Variants in MTCL2 observed in about 807,000 individuals in gnomAD.
The protein encoded by MTCL2 is microtubule cross-linking factor 2.
At chr20:36,794,615 G>T in the MTCL2 span, 1 of 1,614,008 alleles carries the variant, frequency 6.2e-7, no homozygotes, top group Admixed American at 1.7e-5. The surrounding 1 kb of genome is among the most constrained non-coding windows in gnomAD (Gnocchi z 5.4). Flanking sequence ...AAGGACAGAG[G>T]AGGAAACGTC....
the MTCL2 span, among the ~76,000 whole-genome samples, chr20:36,840,300 G>T: frequency 6.6e-6 from 1 of 151,050 alleles, no homozygotes; most frequent in African/African-American, 2.4e-5. Flanking sequence ...GAGTAGCTGG[G>T]ACTACAGGCA....
the MTCL2 span, chr20:36,815,749 G>A: frequency 1.1e-5 from 17 of 1,591,498 alleles, no homozygotes; most frequent in Admixed American, 1.8e-5. This position sits in a 1 kb window ranked among gnomAD's most constrained non-coding sequence, Gnocchi z 5.3. Flanking sequence ...GGTTCGCTGA[G>A]CACAGAACAA....
At chr20:36,803,956 CAAAAAAA>C in the MTCL2 span, among the ~76,000 whole-genome samples, 10 of 43,062 alleles carry the variant, frequency 2.3e-4, no homozygotes, top group African/African-American at 7.1e-4. Flanking sequence ...GATGCCGTCT[CAAAAAAA>C]AAAAAAAAAA....
chr20:36,862,962 G>A, the MTCL2 span: 6 of 1,402,300 alleles, frequency 4.3e-6, no homozygotes, highest in Non-Finnish European at 4.7e-6. Context: ...CGCCTCCTCC[G>A]ACGCGCAGTC....
the MTCL2 span, among the ~76,000 whole-genome samples, chr20:36,822,391 T>C: frequency 1.1e-4 from 17 of 152,374 alleles, no homozygotes; most frequent in African/African-American, 3.8e-4. Context: ...GGACAAACTC[T>C]GTGGCCTGGC....
At chr20:36,794,765 T>A in the MTCL2 span, 4 of 846,172 alleles carry the variant, frequency 4.7e-6, no homozygotes, top group South Asian at 6.5e-5. This position sits in a 1 kb window ranked among gnomAD's most constrained non-coding sequence, Gnocchi z 5.4. Flanking sequence ...TCTGTCTGCA[T>A]TTTCTTTTTT....
the MTCL2 span, chr20:36,804,861 C>T: frequency 8.7e-6 from 14 of 1,613,948 alleles, no homozygotes; most frequent in Non-Finnish European, 1.2e-5. Flanking sequence ...GCTCCTTCAG[C>T]GTCACCTTCA....
the MTCL2 span, among the ~76,000 whole-genome samples, chr20:36,805,246 G>A: frequency 4.8e-3 from 736 of 152,212 alleles, 4 homozygotes; most frequent in African/African-American, 0.017. Context: ...TCTCTGACCC[G>A]CTGCAGGCCA....
chr20:36,784,546 G>A, the MTCL2 span: 26 of 985,482 alleles, frequency 2.6e-5, no homozygotes, highest in East Asian at 3.4e-4. Context: ...ATCCATCCTG[G>A]TGTTTCCACT....
the MTCL2 span, chr20:36,863,094 G>A: frequency 4.1e-4 from 579 of 1,399,634 alleles, 1 homozygote; most frequent in Non-Finnish European, 2.5e-4. This position sits in a 1 kb window ranked among gnomAD's most constrained non-coding sequence, Gnocchi z 6.2. Flanking sequence ...CCGCACACCC[G>A]CACCGCGCGC....
At chr20:36,804,760 G>C in the MTCL2 span, 1 of 1,613,804 alleles carries the variant, frequency 6.2e-7, no homozygotes, top group East Asian at 2.2e-5. Context: ...CTTGAGCTCT[G>C]CCCGCTCTGT....
the MTCL2 span, chr20:36,803,105 C>T: frequency 3.1e-5 from 50 of 1,599,468 alleles, no homozygotes; most frequent in Non-Finnish European, 4.3e-5. Context: ...TCTTCAGCTC[C>T]ATCTGCGGAA....
At chr20:36,808,960 C>A in the MTCL2 span, among the ~76,000 whole-genome samples, 1 of 152,194 alleles carries the variant, frequency 6.6e-6, no homozygotes, top group African/African-American at 2.4e-5. Context: ...GGGATTTGAC[C>A]CTGGCTCTAA....
chr20:36,862,528 G>T, the MTCL2 span: 1 of 847,984 alleles, frequency 1.2e-6, no homozygotes, highest in Non-Finnish European at 1.6e-6. Flanking sequence ...CCTCAGAGTG[G>T]TCCCCAGAGG....
the MTCL2 span, among the ~76,000 whole-genome samples, chr20:36,822,109 A>G: frequency 2.6e-5 from 4 of 152,224 alleles, no homozygotes; most frequent in Admixed American, 2.6e-4. Flanking sequence ...CAGCCCTGCC[A>G]TTCTGGAGGG....
the MTCL2 span, chr20:36,839,239 C>T: frequency 1.7e-5 from 27 of 1,603,452 alleles, no homozygotes; most frequent in South Asian, 8.8e-5. The surrounding 1 kb of genome is among the most constrained non-coding windows in gnomAD (Gnocchi z 5.1). Flanking sequence ...CTCCAGACCA[C>T]GGATAAGCTC....
the MTCL2 span, among the ~76,000 whole-genome samples, chr20:36,845,537 G>T: frequency 6.6e-6 from 1 of 152,226 alleles, no homozygotes; most frequent in Non-Finnish European, 1.5e-5. Flanking sequence ...ACGGCCCCAC[G>T]TGAGAGGGTG....
chr20:36,835,926 T>C, the MTCL2 span, among the ~76,000 whole-genome samples: 1 of 152,086 alleles, frequency 6.6e-6, no homozygotes, highest in Non-Finnish European at 1.5e-5. Flanking sequence ...GGTCCCAGCC[T>C]CTCCTCCGCC....
the MTCL2 span, chr20:36,817,525 A>C: frequency 6.7e-7 from 1 of 1,483,824 alleles, no homozygotes. Context: ...AAGCTCACAG[A>C]ATGATGCACA....
Sources: allele counts gnomAD v4.1 joint callset (sites outside exome capture counted in the v4.1 genomes callset), GRCh38; gene constraint gnomAD v4.1.1; non-coding constraint Gnocchi (gnomAD v3.1); transcripts MANE v1.5; gene names NCBI Gene and HGNC (gene_info 2026-07-23, HGNC 2026-07-21).